LRRC49: variants seen among roughly 807,000 people sequenced by gnomAD.
LRRC49 encodes leucine-rich repeat-containing protein 49.
In LRRC49, 50 loss-of-function variants were observed where a neutral mutation model predicts 83.3. The observed-to-expected ratio is 0.60, with a 90% CI of 0.48 to 0.76. The LOEUF is 0.76. Ranked by LOEUF, LRRC49 falls within the 30% of genes least tolerant of loss-of-function variation. LRRC49 has a pLI of 0.00. For synonymous variants in LRRC49, 286 were observed against 283.3 expected (o/e 1.01, Z -0.10); for missense variants, 704 against 809.1 (o/e 0.87, Z 1.58).
At chr15:70,998,499 C>A (rs2038149361) in intron 11 of LRRC49, among the ~76,000 whole-genome samples, 1 of 151,778 alleles carries the variant, frequency 6.6e-6, no homozygotes, top group Non-Finnish European at 1.5e-5. Context: ...TTAAATATAT[C>A]ATCCACTACT....
intron 14 of LRRC49, among the ~76,000 whole-genome samples, chr15:71,028,052 G>A (rs2039230419): frequency 6.6e-6 from 1 of 152,148 alleles, no homozygotes; most frequent in Non-Finnish European, 1.5e-5. Flanking sequence ...TCCAGCTTTT[G>A]CCCATTCAGT....
chr15:71,020,814 G>T (rs901898547), intron 14 of LRRC49, among the ~76,000 whole-genome samples: 3 of 152,114 alleles, frequency 2.0e-5, no homozygotes, highest in African/African-American at 7.2e-5. Context: ...TACACTAAAA[G>T]AAATTATAAA....
chr15:70,871,107 G>A (rs1209359870), intron 1 of LRRC49, among the ~76,000 whole-genome samples: 10 of 151,938 alleles, frequency 6.6e-5, no homozygotes, highest in South Asian at 4.2e-4. Context: ...GCGGCCTTCC[G>A]CAGTGTTTGT....
At chr15:71,025,569 G>T (rs142366122) in intron 14 of LRRC49, among the ~76,000 whole-genome samples, 353 of 152,232 alleles carry the variant, frequency 2.3e-3, no homozygotes, top group African/African-American at 8.2e-3. Flanking sequence ...AGAATGGCAA[G>T]CTGGATAAAA....
At chr15:71,023,056 G>C (rs1429601497) in intron 14 of LRRC49, among the ~76,000 whole-genome samples, 1 of 152,030 alleles carries the variant, frequency 6.6e-6, no homozygotes, top group Non-Finnish European at 1.5e-5. Flanking sequence ...ATAACCCACA[G>C]GTTAAAGATA....
chr15:71,038,787 A>G (rs1040931071), intron 15 of LRRC49, among the ~76,000 whole-genome samples: 8 of 152,192 alleles, frequency 5.3e-5, no homozygotes, highest in Non-Finnish European at 7.4e-5. Context: ...TCTGTTCCTT[A>G]TGAAAATGCT....
At chr15:70,944,529 C>T (rs185186922) in intron 8 of LRRC49, among the ~76,000 whole-genome samples, 206 of 152,196 alleles carry the variant, frequency 1.4e-3, no homozygotes, top group Middle Eastern at 3.4e-3. Context: ...CTCAGCCTCC[C>T]GAGTAGCTGG....
At chr15:70,867,188 C>A (rs944793885) in intron 1 of LRRC49, among the ~76,000 whole-genome samples, 1 of 151,838 alleles carries the variant, frequency 6.6e-6, no homozygotes, top group Non-Finnish European at 1.5e-5. Context: ...TGTAGGCCTG[C>A]CTTTGTGACG....
At chr15:70,854,021 T>C in intron 1 of LRRC49, 1 of 1,455,394 alleles carries the variant, frequency 6.9e-7, no homozygotes, top group Non-Finnish European at 9.1e-7. Flanking sequence ...CTCGGCCTCC[T>C]GGATGGCGAC....
intron 2 of LRRC49, among the ~76,000 whole-genome samples, chr15:70,877,489 A>G (rs1039039966): frequency 6.6e-6 from 1 of 152,194 alleles, no homozygotes; most frequent in Non-Finnish European, 1.5e-5. Context: ...TTCACTCAGC[A>G]TAATACTTTC....
At chr15:70,884,943 TATA>T (rs1462894773) in intron 2 of LRRC49, among the ~76,000 whole-genome samples, 1 of 152,206 alleles carries the variant, frequency 6.6e-6, no homozygotes, top group African/African-American at 2.4e-5. Flanking sequence ...ACTGAGATAA[TATA>T]ATGCTTTATA....
At position 70,893,238 on chromosome 15, in the gene LRRC49, C is replaced by A. The variant is rs1223223146; in HGVS notation, c.48+296C>A. On this transcript the variant is annotated intron_variant, in intron 1 of 15. Coordinates refer to ENST00000260382, the MANE Select transcript of LRRC49 (RefSeq NM_017691.5). ...AGTCAATTCCTTTTTCTTTTCTTTTCCTTTTAACTGTGAAGAGAATTTATC... is the reference window on the plus strand; with the variant it reads ...AGTCAATTCCTTTTTCTTTTCTTTTACTTTTAACTGTGAAGAGAATTTATC... 1.6e-5 allele frequency: 9 copies of A among 566,176 alleles called. No individual in the cohort carries two copies. The East Asian group carries it at 2.4e-4, about 15-fold the overall frequency. The allele number at this position is 566,176 out of a possible 1,614,324, so 35.1% of individuals were successfully genotyped here.
chr15:70,891,726 T>C (rs2033578835), upstream of LRRC49: 1 of 923,326 alleles, frequency 1.1e-6, no homozygotes, highest in Non-Finnish European at 1.6e-6. Flanking sequence ...ACCCCTAACT[T>C]TGCAGATTAG....
At chr15:70,989,968 T>C (rs2037798024) in intron 11 of LRRC49, among the ~76,000 whole-genome samples, 1 of 152,184 alleles carries the variant, frequency 6.6e-6, no homozygotes, top group African/African-American at 2.4e-5. Context: ...CCGCGAATGC[T>C]GCTGTCTGAT....
rs138716964 is a variant in LRRC49, at chr15:70,965,854, G to A, written c.921+1922G>A. ...ATATGGACTTATGGTATTTAGTCTC[G>A]TCTTTTATTTATAACTTTTTAGTAA... On this transcript the variant is annotated intron_variant, in intron 9 of 15. Coordinates refer to ENST00000260382, the MANE Select transcript of LRRC49 (RefSeq NM_017691.5). 5.0e-3 allele frequency among the ~76,000 whole-genome samples: 765 copies of A among 151,718 alleles called. 3 individuals are homozygous for A. The highest frequency in any genetic ancestry group is 8.3e-3 in the Non-Finnish European group (564 of 67,950).
intron 9 of LRRC49, among the ~76,000 whole-genome samples, chr15:70,977,277 GA>G (rs1163861743): frequency 6.6e-6 from 1 of 152,144 alleles, no homozygotes; most frequent in East Asian, 1.9e-4. Context: ...GTGAAGCTAG[GA>G]TTCAAAGTTC....
intron 9 of LRRC49, among the ~76,000 whole-genome samples, chr15:70,973,954 C>G (rs992815304): frequency 1.3e-5 from 2 of 151,858 alleles, no homozygotes; most frequent in Non-Finnish European, 2.9e-5. Flanking sequence ...TGGTGAAACC[C>G]CATCTGTACT....
At chr15:70,893,140 C>T (rs2141095903) in intron 1 of LRRC49, 198 bp downstream of exon 1, 1 of 639,562 alleles carries the variant, frequency 1.6e-6, no homozygotes, top group Non-Finnish European at 2.8e-6. Flanking sequence ...AAGTCTTGTC[C>T]AGGATCTGGG....
intron 1 of LRRC49, among the ~76,000 whole-genome samples, chr15:70,861,523 C>T (rs567033013): frequency 6.6e-6 from 1 of 151,884 alleles, no homozygotes; most frequent in South Asian, 2.1e-4. Context: ...TTCTAAAAGG[C>T]CCTCAGTACT....
Sources: gnomAD v4.1 joint callset for allele counts (sites outside exome capture counted in the v4.1 genomes callset) on GRCh38, gnomAD v4.1.1 for gene constraint, MANE v1.5 for transcripts, NCBI Gene and HGNC (gene_info 2026-07-23, HGNC 2026-07-21) for gene names.